The following CEP128 variants were observed in gnomAD, a reference collection of about 807,000 sequenced individuals.
CEP128 encodes the protein centrosomal protein 128.
Under a neutral mutation model 156.7 loss-of-function variants are expected in CEP128, and 132 were observed. The observed-to-expected ratio is 0.84, with a 90% CI of 0.73 to 0.97. The LOEUF is 0.97. Ranked by LOEUF, CEP128 falls within the 50% of genes least tolerant of loss-of-function variation. The pLI is 0.00. For synonymous variants in CEP128, 469 were observed against 448.9 expected, an observed-to-expected ratio of 1.04 and a Z score of -0.57; for missense variants, 1,252 against 1,281.9, an observed-to-expected ratio of 0.98 and a Z score of 0.36.
At chr14:80,813,290 G>C (rs1884665339) in intron 13 of CEP128, among the ~76,000 whole-genome samples, 1 of 151,942 alleles carries the variant, frequency 6.6e-6, no homozygotes, top group Non-Finnish European at 1.5e-5. Context: ...TCTTTGCCAG[G>C]GCTTACGTAC....
At chr14:80,613,007 A>ATT (rs66946967) in intron 19 of CEP128, among the ~76,000 whole-genome samples, 9 of 114,706 alleles carry the variant, frequency 7.8e-5, no homozygotes, top group African/African-American at 2.3e-4. Flanking sequence ...CACCCGGCGA[A>ATT]TTTTTTTTTT....
At chr14:80,728,082 T>C (rs1356029742) in intron 19 of CEP128, among the ~76,000 whole-genome samples, 1 of 152,036 alleles carries the variant, frequency 6.6e-6, no homozygotes, top group Non-Finnish European at 1.5e-5. Flanking sequence ...TTTACAATAG[T>C]AGACATGGAA....
intron 19 of CEP128, among the ~76,000 whole-genome samples, chr14:80,626,906 T>G (rs1234421659): frequency 2.0e-5 from 3 of 152,214 alleles, no homozygotes; most frequent in African/African-American, 7.2e-5. Context: ...CACTCCCGCC[T>G]GGGCAACAGA....
At chr14:80,630,355 C>T (rs8016670) in intron 19 of CEP128, among the ~76,000 whole-genome samples, 129,114 of 151,914 alleles carry the variant, frequency 0.85, 56,587 homozygotes, top group East Asian at 0.99. Context: ...ATACTTGTTA[C>T]CAAGATTAAG....
intron 9 of CEP128, among the ~76,000 whole-genome samples, chr14:80,851,835 G>A (rs996268692): frequency 6.6e-6 from 1 of 151,846 alleles, no homozygotes; most frequent in Non-Finnish European, 1.5e-5. Context: ...GATATGCCAT[G>A]AATAAAGTAA....
In CEP128 at chr14:80,914,373, C is replaced by T; in HGVS notation, c.183G>A (p.Met61Ile). ...TSRNLRQVDQ[M>I]LGRYREYSNG... ...TACTGTATTCTCGGTATCGTCCAAG[C>T]ATCTGGTCCACTTGTCGCAGGTTCC... Residue 61 changes from methionine to isoleucine, a missense_variant, in exon 4 of 25, where the codon ATG (methionine) becomes ATA (isoleucine). Coordinates refer to ENST00000555265, the MANE Select transcript of CEP128 (RefSeq NM_152446.5). 6.2e-7 allele frequency: 1 copy of T among 1,613,946 alleles called. No individual in the cohort carries two copies. The highest frequency in any genetic ancestry group is 2.2e-5 in the East Asian group (1 of 44,862).
At chr14:80,540,825 T>C (rs376436234) in intron 21 of CEP128, among the ~76,000 whole-genome samples, 16 of 152,100 alleles carry the variant, frequency 1.1e-4, no homozygotes, top group African/African-American at 3.6e-4. Flanking sequence ...GTCCTTTGCA[T>C]AGAGGTCTGT....
intron 24 of CEP128, among the ~76,000 whole-genome samples, chr14:80,498,416 T>C (rs531036044): frequency 6.6e-6 from 1 of 152,348 alleles, no homozygotes; most frequent in East Asian, 1.9e-4. Context: ...TCCCTCATCC[T>C]GCCCTTAATG....
Position 80,939,366 on chromosome 14 carries a change from AG to A in CEP128, c.-16+18del, listed in dbSNP as rs1444297835. The A allele has an allele frequency of 6.6e-6, 1 of 152,218 alleles. No homozygotes were observed. Among genetic ancestry groups the A allele is most frequent in the South Asian group, 2.1e-4 (1 of 4,832 alleles). 9.4% of individuals were successfully genotyped at this position (152,218 alleles called of 1,614,324 possible). A position where few individuals can be genotyped will look rare whatever the true frequency, so the allele number is the denominator to read the frequency against. ...AAAAAATGTGTTATCTCAGAAACTC[AG>A]GGAGAAAGCATACTTACAAAGCACA... On this transcript the variant is annotated intron_variant, in intron 2 of 24. Transcript: ENST00000555265.
chr14:80,758,979 A>G (rs1357055743), intron 17 of CEP128, among the ~76,000 whole-genome samples: 2 of 152,244 alleles, frequency 1.3e-5, no homozygotes, highest in Non-Finnish European at 2.9e-5. Context: ...CATCGTCTTC[A>G]TGCTCTAAAA....
intron 15 of CEP128, among the ~76,000 whole-genome samples, chr14:80,778,431 T>C (rs1200327602): frequency 6.6e-6 from 1 of 152,188 alleles, no homozygotes; most frequent in Non-Finnish European, 1.5e-5. Flanking sequence ...TAGAGAAGTG[T>C]CCCAAAAGGG....
intron 9 of CEP128, among the ~76,000 whole-genome samples, chr14:80,845,065 A>G (rs76012380): frequency 0.047 from 7,143 of 152,256 alleles, 188 homozygotes; most frequent in Middle Eastern, 0.061. Context: ...ACCAGAGACT[A>G]TGAATGAATC....
chr14:80,857,414 A>G (rs1026797006), intron 9 of CEP128, among the ~76,000 whole-genome samples: 1 of 152,040 alleles, frequency 6.6e-6, no homozygotes. Context: ...TACACAGAAA[A>G]GGCTGATGGG....
chr14:80,838,192 G>A lies in CEP128; in HGVS notation c.924+12C>T. 6.3e-7 allele frequency: 1 copy of A among 1,581,400 alleles called. No homozygotes were observed. Among genetic ancestry groups the A allele is most frequent in the Non-Finnish European group, 8.7e-7 (1 of 1,151,026 alleles). ...ATGTAAAAGTATATTATAATAACTT[G>A]CATAGACTTACCTGATGCAAAAGTG... On this transcript the variant is annotated intron_variant, in intron 11 of 24. Transcript: ENST00000555265.
intron 19 of CEP128, among the ~76,000 whole-genome samples, chr14:80,613,364 G>A (rs1265699718): frequency 3.1e-5 from 4 of 127,036 alleles, no homozygotes; most frequent in Admixed American, 9.1e-5. Flanking sequence ...GTGCAGTGGC[G>A]CGATCTCGGC....
At chr14:80,681,157 T>C (rs149199102) in intron 19 of CEP128, among the ~76,000 whole-genome samples, 167 of 151,912 alleles carry the variant, frequency 1.1e-3, no homozygotes, top group African/African-American at 3.8e-3. Flanking sequence ...CAAGAGACCC[T>C]ACCCATGATC....
intron 8 of CEP128, among the ~76,000 whole-genome samples, chr14:80,874,359 G>A (rs1252575305): frequency 6.6e-6 from 1 of 151,854 alleles, no homozygotes; most frequent in Non-Finnish European, 1.5e-5. Flanking sequence ...AGTTACTCAG[G>A]AGGCTGACGC....
At position 80,862,778 on chromosome 14, in the gene CEP128, G is replaced by T; in HGVS notation, c.741C>A (p.Leu247=). 6.2e-7 allele frequency: 1 copy of T among 1,607,260 alleles called. No homozygotes were observed. The highest frequency in any genetic ancestry group is 8.5e-7 in the Non-Finnish European group (1 of 1,173,746). Residue 247 remains leucine (L), a synonymous_variant, in exon 9 of 25, where the codon CTC becomes CTA. Coordinates refer to ENST00000555265, the MANE Select transcript of CEP128 (RefSeq NM_152446.5). ...LVERRQDQLG[L]MSLQLQEALK... is the part of the protein sequence containing the mutation. ...AAACCTCCTGTAGCTGCAGGGACAT[G>T]AGTCCCAGTTGATCCTGGCGTCTTT...
At chr14:80,496,327 G>A (rs1039390418), downstream of CEP128, 1 of 152,492 alleles carries the variant, frequency 6.6e-6, no homozygotes, top group Admixed American at 6.6e-5. Flanking sequence ...TAAAGGAAGA[G>A]TTGCATTCAG....
Sources: allele counts gnomAD v4.1 joint callset (sites outside exome capture counted in the v4.1 genomes callset), GRCh38; gene constraint gnomAD v4.1.1; transcripts MANE v1.5; gene names NCBI Gene and HGNC (gene_info 2026-07-23, HGNC 2026-07-21).